Variants in SLC30A7 observed in about 807,000 individuals in gnomAD.
SLC30A7 encodes the protein solute carrier family 30 member 7.
SLC30A7 carries 35 observed loss-of-function variants against 46.0 expected under a neutral mutation model. The observed-to-expected ratio is 0.76, with a 90% CI of 0.58 to 1.01. SLC30A7 has a LOEUF of 1.01. SLC30A7 is among the 50% of genes least tolerant of loss of function. The probability of loss-of-function intolerance (pLI) is 0.00; values close to 1 mark genes in which losing one functional copy is unlikely to be tolerated. For missense variants in SLC30A7, 464 were observed against 451.1 expected (o/e 1.03, Z -0.26); for synonymous variants, 147 against 157.8 (o/e 0.93, Z 0.51).
At chr1:100,937,434 A>C (rs963363538) in intron 8 of SLC30A7, among the ~76,000 whole-genome samples, 1 of 151,744 alleles carries the variant, frequency 6.6e-6, no homozygotes, top group African/African-American at 2.4e-5. Context: ...GCTTTCCAAA[A>C]CTTGTTATTT....
Position 100,974,908 on chromosome 1 carries a change from G to GT in SLC30A7, c.*52dup. On this transcript the variant is annotated 3_prime_UTR_variant, in exon 11 of 11. Transcript: ENST00000357650. ...TTATGGACCAAATTTTTCTGGTACT[G>GT]TACGATCCAAAACATTGTACCCAGC... is the stretch of plus-strand genomic sequence containing the variant. 6.8e-7 allele frequency: 1 copy of GT among 1,468,596 alleles called. No homozygotes were observed. Among genetic ancestry groups the GT allele is most frequent in the Non-Finnish European group, 9.4e-7 (1 of 1,065,914 alleles). The allele number at this position is 1,468,596 out of a possible 1,614,324, so 91.0% of individuals were successfully genotyped here.
intron 8 of SLC30A7, among the ~76,000 whole-genome samples, chr1:100,960,405 G>A (rs1160311550): frequency 6.6e-6 from 1 of 151,994 alleles, no homozygotes; most frequent in African/African-American, 2.4e-5. Context: ...TCTGTCATTC[G>A]TTTAACCAAC....
chr1:100,964,912 C>T (rs769290068), intron 9 of SLC30A7, among the ~76,000 whole-genome samples: 50 of 152,096 alleles, frequency 3.3e-4, no homozygotes, highest in African/African-American at 6.8e-4. Flanking sequence ...AAAGAAGGCA[C>T]GGTAGATACT....
chr1:100,981,224 A>T lies in SLC30A7; in HGVS notation c.*6367A>T, dbSNP rs886705771. 6.6e-6 allele frequency: 1 copy of T among 152,164 alleles called. No individual in the cohort carries two copies. The highest frequency in any genetic ancestry group is 1.5e-5 in the Non-Finnish European group (1 of 67,992). 9.4% of individuals were successfully genotyped at this position (152,164 alleles called of 1,614,324 possible). A position where few individuals can be genotyped will look rare whatever the true frequency, so the allele number is the denominator to read the frequency against. On this transcript the variant is annotated 3_prime_UTR_variant, in exon 11 of 11. Coordinates refer to ENST00000357650, the MANE Select transcript of SLC30A7 (RefSeq NM_133496.5). The stretch of plus-strand genomic sequence containing the variant: ...ATGAAGATTCTATTTTGAACTAGAC[A>T]TCCTGTCAATAGTTTGTCAAGTAAC...
intron 8 of SLC30A7, among the ~76,000 whole-genome samples, chr1:100,951,578 C>G (rs944457190): frequency 5.3e-5 from 8 of 152,216 alleles, no homozygotes; most frequent in African/African-American, 1.9e-4. Context: ...AGCACTGTCT[C>G]CCTACTGCCC....
the SLC30A7 span, among the ~76,000 whole-genome samples, chr1:100,994,414 ACTGC>A: frequency 2.6e-5 from 4 of 152,146 alleles, no homozygotes; most frequent in Non-Finnish European, 5.9e-5. Context: ...TGTATTAGAC[ACTGC>A]CTCTCTAAGT....
intron 6 of SLC30A7, among the ~76,000 whole-genome samples, chr1:100,916,132 A>T (rs115086145): frequency 0.012 from 1,847 of 151,322 alleles, 24 homozygotes; most frequent in African/African-American, 0.034. Flanking sequence ...TTTTTAATAA[A>T]TTTTTTTATT....
At chr1:100,906,481 G>A (rs1651677893) in intron 2 of SLC30A7, among the ~76,000 whole-genome samples, 1 of 152,134 alleles carries the variant, frequency 6.6e-6, no homozygotes, top group African/African-American at 2.4e-5. Context: ...TGCTTTGTAA[G>A]ATCCTGGGTG....
chr1:100,971,002 T>C (rs1435005228), intron 10 of SLC30A7, among the ~76,000 whole-genome samples: 1 of 152,150 alleles, frequency 6.6e-6, no homozygotes, highest in African/African-American at 2.4e-5. Flanking sequence ...ATTTCTTCCA[T>C]CTTTTCTACT....
chr1:100,912,094 G>C lies in SLC30A7; in HGVS notation c.385-18G>C. 1 of 1,608,152 alleles carries C rather than the reference G, an allele frequency of 6.2e-7. No homozygotes were observed. Among genetic ancestry groups the C allele is most frequent in the South Asian group, 1.1e-5 (1 of 90,476 alleles). On this transcript the variant is annotated intron_variant, in intron 4 of 10. Coordinates refer to ENST00000357650, the MANE Select transcript of SLC30A7 (RefSeq NM_133496.5). ...GAAATAATATCTATGCTATTTGTTT[G>C]TATTATGTGTTTTCTAGAGAGCATT...
At chr1:100,991,383 G>A in the SLC30A7 span, among the ~76,000 whole-genome samples, 2 of 152,192 alleles carry the variant, frequency 1.3e-5, no homozygotes, top group Non-Finnish European at 2.9e-5. Flanking sequence ...GGACAAACAG[G>A]AATGCAGGAA....
chr1:100,902,390 A>AATTTTT (rs1310471194), intron 2 of SLC30A7, among the ~76,000 whole-genome samples: 4 of 152,258 alleles, frequency 2.6e-5, no homozygotes, highest in African/African-American at 4.8e-5. Flanking sequence ...GTGCAAAAGG[A>AATTTTT]ATTTTTATTT....
In SLC30A7 at chr1:100,896,610, T is replaced by G; in HGVS notation, c.121T>G (p.Phe41Val). Residue 41 changes from phenylalanine to valine, a missense_variant, in exon 2 of 11, where the codon TTC becomes GTC. By Grantham distance (50) the Phe-to-Val change is conservative. Transcript: ENST00000357650. ...CAAGACTTCCCGGAACCTGTTTTTC[T>G]TCCTGTGCCTGAACCTCTCTTTCGC... Reference protein sequence around the residue: ...SDKTSRNLFFFLCLNLSFAFV... With the variant: ...SDKTSRNLFFVLCLNLSFAFV... The G allele has an allele frequency of 6.2e-7, 1 of 1,614,188 alleles. No homozygotes were observed. The highest frequency in any genetic ancestry group is 8.5e-7 in the Non-Finnish European group (1 of 1,180,012).
At chr1:100,942,878 C>T (rs1218599556) in intron 8 of SLC30A7, among the ~76,000 whole-genome samples, 2 of 152,246 alleles carry the variant, frequency 1.3e-5, no homozygotes, top group East Asian at 3.9e-4. Context: ...ATGGGGCTGC[C>T]TAGGTGCCCT....
intron 4 of SLC30A7, among the ~76,000 whole-genome samples, chr1:100,911,767 G>T (rs981030575): frequency 6.6e-6 from 1 of 151,936 alleles, no homozygotes; most frequent in Non-Finnish European, 1.5e-5. Flanking sequence ...GGTCAGGCTG[G>T]TCTTGAATTC....
intron 8 of SLC30A7, among the ~76,000 whole-genome samples, chr1:100,934,851 T>C (rs1304103016): frequency 4.6e-5 from 7 of 152,094 alleles, no homozygotes; most frequent in Admixed American, 1.3e-4. Flanking sequence ...TATGTACCCA[T>C]GTAAGAAACT....
chr1:100,990,503 T>TGATGATCAAGGAATGCAATGGTTCTCCC, the SLC30A7 span: 3 of 1,614,042 alleles, frequency 1.9e-6, no homozygotes, highest in Admixed American at 3.3e-5. Flanking sequence ...CTGCCTCCTG[T>TGATGATCAAGGAATGCAATGGTTCTCCC]GATGATCAAG....
intron 2 of SLC30A7, among the ~76,000 whole-genome samples, chr1:100,900,009 T>TGA (rs34930575): frequency 0.11 from 15,817 of 148,842 alleles, 909 homozygotes; most frequent in Middle Eastern, 0.24. Context: ...AAGTGGGACT[T>TGA]GAGAGAGAGA....
chr1:100,939,844 G>A (rs1198227192), intron 8 of SLC30A7, among the ~76,000 whole-genome samples: 14 of 146,116 alleles, frequency 9.6e-5, no homozygotes, highest in Non-Finnish European at 1.6e-4. Context: ...GTGAGACTCC[G>A]TCTAAAAAAA....
Sources: gnomAD v4.1 joint callset for allele counts (sites outside exome capture counted in the v4.1 genomes callset) on GRCh38, gnomAD v4.1.1 for gene constraint, MANE v1.5 for transcripts, NCBI Gene and HGNC (gene_info 2026-07-23, HGNC 2026-07-21) for gene names.